The following MAPK8IP1 variants were observed in gnomAD, a reference collection of about 807,000 sequenced individuals.
MAPK8IP1 encodes mitogen-activated protein kinase 8 interacting protein 1.
In MAPK8IP1, 17 loss-of-function variants were observed where a neutral mutation model predicts 72.6. The observed-to-expected ratio is 0.23, with a 90% CI of 0.16 to 0.35. The LOEUF is 0.35. Among genes scored for constraint, MAPK8IP1 ranks in the 10% least tolerant of loss-of-function variants. The pLI, the probability that MAPK8IP1 is intolerant of heterozygous loss-of-function variation, is 1.00. For synonymous variants in MAPK8IP1, 401 were observed against 443.4 expected, an observed-to-expected ratio of 0.90 and a Z score of 1.20; for missense variants, 789 against 1,009.7, an observed-to-expected ratio of 0.78 and a Z score of 2.96.
At chr11:45,886,587 AT>A (rs2086529352) in intron 1 of MAPK8IP1, among the ~76,000 whole-genome samples, 1 of 152,036 alleles carries the variant, frequency 6.6e-6, no homozygotes, top group African/African-American at 2.4e-5. Context: ...TGTCGAGGGG[AT>A]CCCTGCTGGG....
intron 1 of MAPK8IP1, among the ~76,000 whole-genome samples, chr11:45,896,340 G>A (rs2086605304): frequency 6.6e-6 from 1 of 152,268 alleles, no homozygotes; most frequent in African/African-American, 2.4e-5. Flanking sequence ...TGCAAACCGA[G>A]TGTTCATTCT....
chr11:45,901,038 T>C (rs1280232438), intron 3 of MAPK8IP1, among the ~76,000 whole-genome samples: 1 of 152,000 alleles, frequency 6.6e-6, no homozygotes, highest in Non-Finnish European at 1.5e-5. Flanking sequence ...GGTGGCTGGA[T>C]GCCAAGGAGA....
chr11:45,897,578 C>T (rs888382584), intron 1 of MAPK8IP1, among the ~76,000 whole-genome samples: 4 of 152,216 alleles, frequency 2.6e-5, no homozygotes, highest in Non-Finnish European at 5.9e-5. Context: ...GATTTTCCTT[C>T]GCTTGTTCCC....
At chr11:45,891,093 C>CA (rs2086563255) in intron 1 of MAPK8IP1, among the ~76,000 whole-genome samples, 1 of 152,198 alleles carries the variant, frequency 6.6e-6, no homozygotes, top group Admixed American at 6.5e-5. Context: ...TTGCCTCACA[C>CA]AGTCCGGCAG....
At chr11:45,896,848 C>T (rs964041291) in intron 1 of MAPK8IP1, 1 of 1,547,878 alleles carries the variant, frequency 6.5e-7, no homozygotes, top group East Asian at 2.4e-5. Context: ...AGCCCTGGGG[C>T]CCCGCAGCCC....
Position 45,900,533 on chromosome 11 carries a change from G to A in MAPK8IP1, c.522+81G>A, listed in dbSNP as rs2086644202. The A allele has an allele frequency of 6.8e-7, 1 of 1,462,036 alleles. No individual in the cohort carries two copies. The highest frequency in any genetic ancestry group is 9.1e-7 in the Non-Finnish European group (1 of 1,093,904). The allele number at this position is 1,462,036 out of a possible 1,614,324, so 90.6% of individuals were successfully genotyped here. A position where few individuals can be genotyped will look rare whatever the true frequency, so the allele number is the denominator to read the frequency against. On this transcript the variant is annotated intron_variant, in intron 3 of 11. Coordinates refer to ENST00000241014, the MANE Select transcript of MAPK8IP1 (RefSeq NM_005456.4). This position sits in a 1 kb window ranked among gnomAD's most constrained non-coding sequence, Gnocchi z 6.5. Reference sequence around the variant, plus strand: ...AGCGCAGAGGGGCTGCAGCGGGAAGGGGCACCCACGGGTCCAGTGCCTGGG... The same window carrying A: ...AGCGCAGAGGGGCTGCAGCGGGAAGAGGCACCCACGGGTCCAGTGCCTGGG...
rs1390835429 is a variant in MAPK8IP1, at chr11:45,905,313, T to C, written c.2063+64T>C. On this transcript the variant is annotated intron_variant, in intron 11 of 11. Transcript: ENST00000241014. The stretch of plus-strand genomic sequence containing the variant: ...CACGCCCAATCCCAGGCCCTGGGGC[T>C]GCTTCCTGGCGCTCAGCTTTGCCCC... 6.9e-6 allele frequency: 10 copies of C among 1,453,426 alleles called. No individual in the cohort carries two copies. In the East Asian group the frequency reaches 2.3e-4, roughly 33 times the overall value. The allele number at this position is 1,453,426 out of a possible 1,614,324, so 90.0% of individuals were successfully genotyped here.
At position 45,905,633 on chromosome 11, in the gene MAPK8IP1, G is replaced by T. The variant is rs750549938; in HGVS notation, c.2064-16G>T. 22 of 1,610,096 alleles carry T rather than the reference G, an allele frequency of 1.4e-5. No individual in the cohort carries two copies. Among genetic ancestry groups the T allele is most frequent in the Non-Finnish European group, 1.1e-5 (13 of 1,176,570 alleles). ...CAGTGGCGATCTGAGCCATCTGTGT[G>T]TCCCCTGGCTTCTAGGAGAGCATTC... On this transcript the variant is annotated splice_polypyrimidine_tract_variant and intron_variant, in intron 11 of 11. Transcript: ENST00000241014.
At chr11:45,905,401 G>T in intron 11 of MAPK8IP1, 152 bp downstream of exon 11, 1 of 828,486 alleles carries the variant, frequency 1.2e-6, no homozygotes, top group Non-Finnish European at 2.0e-6. Context: ...CCTGGAGGGA[G>T]GGTGGCGCGG....
chr11:45,898,100 C>T lies in MAPK8IP1; in HGVS notation c.117C>T (p.Ile39=), dbSNP rs746006608. ...TCCCCACCAGGCTCACCCATGACAT[C>T]AGCCTGGAGGAGTTTGAGGATGAAG... ...SPPNFRLTHD[I]SLEEFEDEDL... The change falls in exon 2 of 12, where the codon ATC becomes ATT. Residue 39 remains isoleucine, a synonymous_variant. Coordinates refer to ENST00000241014, the MANE Select transcript of MAPK8IP1 (RefSeq NM_005456.4). 6.2e-7 allele frequency: 1 copy of T among 1,612,586 alleles called. No homozygotes were observed. Among genetic ancestry groups the T allele is most frequent in the Non-Finnish European group, 8.5e-7 (1 of 1,178,860 alleles).
At chr11:45,886,431 C>G (rs1427478624) in intron 1 of MAPK8IP1, among the ~76,000 whole-genome samples, 1 of 152,208 alleles carries the variant, frequency 6.6e-6, no homozygotes, top group Non-Finnish European at 1.5e-5. Flanking sequence ...CGTGGCCGGG[C>G]CCCTCTCTGG....
chr11:45,896,531 A>C (rs2086607030), intron 1 of MAPK8IP1: 3 of 1,100,704 alleles, frequency 2.7e-6, no homozygotes, highest in Non-Finnish European at 2.2e-6. Context: ...TTGGAAGGGC[A>C]GGTGGAGCCA....
Position 45,904,492 on chromosome 11 carries a change from G to A in MAPK8IP1, c.1704G>A (p.Arg568=). ...AKNSDWVDQF[R]VKFLGSVQVP... Reference sequence around the variant, plus strand: ...ACAGTGACTGGGTGGACCAGTTCCGGGTGAAGTTCCTGGGCTCAGTCCAGG... The same window carrying A: ...ACAGTGACTGGGTGGACCAGTTCCGAGTGAAGTTCCTGGGCTCAGTCCAGG... The change falls in exon 8 of 12, where the codon CGG becomes CGA. Residue 568 remains arginine (R), a synonymous_variant. Coordinates refer to ENST00000241014, the MANE Select transcript of MAPK8IP1 (RefSeq NM_005456.4). This position sits in a 1 kb window ranked among gnomAD's most constrained non-coding sequence, Gnocchi z 6.4. 1.2e-6 allele frequency: 2 copies of A among 1,614,140 alleles called. No homozygotes were observed.
rs765424479 is a variant in MAPK8IP1 at position 45,901,935 on chromosome 11, A to T, written c.523-45A>T. The stretch of plus-strand genomic sequence containing the variant: ...GGGCCGGGGCCTCCCTGTGCCGGGC[A>T]CTGTTGACCACTTCCATCACAAGAG... On this transcript the variant is annotated intron_variant, in intron 3 of 11. Transcript: ENST00000241014. The T allele has an allele frequency of 6.8e-6, 10 of 1,475,238 alleles. No homozygotes were observed. The African/African-American group carries it at 1.1e-4, about 16-fold the overall frequency. 91.4% of individuals were successfully genotyped at this position (1,475,238 alleles called of 1,614,324 possible).
chr11:45,904,587 C>T lies in MAPK8IP1; in HGVS notation c.1776+23C>T, dbSNP rs1384811038. On this transcript the variant is annotated intron_variant, in intron 8 of 11. Coordinates refer to ENST00000241014, the MANE Select transcript of MAPK8IP1 (RefSeq NM_005456.4). The surrounding 1 kb of genome is among the most constrained non-coding windows in gnomAD (Gnocchi z 6.4). ...AAGGTACCTGAGCCCTCTCCCTTCT[C>T]CTCCCTTGGATGGGTCCCTGGGGCA... 1 of 1,610,262 alleles carries T rather than the reference C, an allele frequency of 6.2e-7. No individual in the cohort carries two copies. Among genetic ancestry groups the T allele is most frequent in the Admixed American group, 1.7e-5 (1 of 60,028 alleles).
chr11:45,905,073 C>A, intron 10 of MAPK8IP1, 32 bp downstream of exon 10: 1 of 1,612,830 alleles, frequency 6.2e-7, no homozygotes, highest in Non-Finnish European at 8.5e-7. Context: ...GTGGAGGAGG[C>A]ACGGGTGGTC....
At position 45,900,696 on chromosome 11, in the gene MAPK8IP1, G is replaced by C. The variant is rs1293090774; in HGVS notation, c.522+244G>C. ...CTTGAGGCGGGATTGAAGGAGGGAA[G>C]GACTGGGGTTAGGAGAGGAGTAGGG... On this transcript the variant is annotated intron_variant, in intron 3 of 11. Coordinates refer to ENST00000241014, the MANE Select transcript of MAPK8IP1 (RefSeq NM_005456.4). This position sits in a 1 kb window ranked among gnomAD's most constrained non-coding sequence, Gnocchi z 6.5. 6.6e-6 allele frequency among the ~76,000 whole-genome samples: 1 copy of C among 152,210 alleles called. No homozygotes were observed.
intron 1 of MAPK8IP1, chr11:45,897,084 A>G: frequency 1.1e-6 from 1 of 899,118 alleles, no homozygotes; most frequent in Middle Eastern, 3.2e-4. Context: ...CTAAGCCACC[A>G]TCTCTCCTGG....
intron 1 of MAPK8IP1, among the ~76,000 whole-genome samples, chr11:45,895,633 A>AAT (rs71038870): frequency 1.7e-3 from 71 of 42,534 alleles, no homozygotes; most frequent in African/African-American, 3.1e-3. Context: ...AAAAAAAAAA[A>AAT]ATATATATAT....
Sources: allele counts gnomAD v4.1 joint callset (sites outside exome capture counted in the v4.1 genomes callset), GRCh38; gene constraint gnomAD v4.1.1; non-coding constraint Gnocchi (gnomAD v3.1); transcripts MANE v1.5; gene names NCBI Gene and HGNC (gene_info 2026-07-23, HGNC 2026-07-21).